The following MECOM variants were observed in gnomAD, a reference collection of about 807,000 sequenced individuals.
The protein encoded by MECOM is histone-lysine N-methyltransferase MECOM.
Under a neutral mutation model 116.3 loss-of-function variants are expected in MECOM, and 13 were observed. The ratio of observed to expected loss-of-function variants is 0.11; its 90% confidence interval spans 0.07 to 0.18. The LOEUF (loss-of-function observed/expected upper bound fraction) is 0.18, where lower values mean the gene tolerates loss of function less well. MECOM is among the 10% of genes least tolerant of loss of function. MECOM has a pLI of 1.00. For synonymous variants in MECOM, 528 were observed against 535.2 expected (o/e 0.99, Z 0.19); for missense variants, 1,299 against 1,509.0 (o/e 0.86, Z 2.31).
At chr3:169,222,860 G>T (rs1040984047) in intron 2 of MECOM, among the ~76,000 whole-genome samples, 5 of 152,148 alleles carry the variant, frequency 3.3e-5, no homozygotes, top group African/African-American at 1.2e-4. Context: ...TCATAATCTT[G>T]TTGCAGACAC....
At chr3:169,413,141 C>T (rs1737837881) in intron 1 of MECOM, among the ~76,000 whole-genome samples, 1 of 152,216 alleles carries the variant, frequency 6.6e-6, no homozygotes, top group South Asian at 2.1e-4. Context: ...TTCTGCATTT[C>T]CAACTGAGGT....
At chr3:169,535,416 A>T (rs1392423875) in intron 1 of MECOM, among the ~76,000 whole-genome samples, 2 of 152,196 alleles carry the variant, frequency 1.3e-5, no homozygotes, top group Non-Finnish European at 2.9e-5. Context: ...CATGAAAGGC[A>T]AACATGAAAG....
chr3:169,525,145 T>C (rs1051315792), intron 1 of MECOM, among the ~76,000 whole-genome samples: 1 of 152,236 alleles, frequency 6.6e-6, no homozygotes, highest in Non-Finnish European at 1.5e-5. Context: ...CATCTGTTTA[T>C]TCATTTTTAG....
chr3:169,328,319 C>A (rs1163334542), intron 2 of MECOM, among the ~76,000 whole-genome samples: 1 of 152,138 alleles, frequency 6.6e-6, no homozygotes, highest in Non-Finnish European at 1.5e-5. Context: ...ATTGACTGCA[C>A]ATTTTGTCAA....
chr3:169,299,883 A>G (rs551350317), intron 2 of MECOM, among the ~76,000 whole-genome samples: 1 of 152,346 alleles, frequency 6.6e-6, no homozygotes, highest in East Asian at 1.9e-4. Flanking sequence ...TAGGCTGGAG[A>G]GAGCCTTCAC....
At chr3:169,105,258 C>A (rs1576934512) in intron 10 of MECOM, among the ~76,000 whole-genome samples, 1 of 152,280 alleles carries the variant, frequency 6.6e-6, no homozygotes, top group Middle Eastern at 3.4e-3. Flanking sequence ...ACTCAGACAT[C>A]TGCTAGTTGG....
At chr3:169,114,890 C>G (rs908033338) in intron 8 of MECOM, among the ~76,000 whole-genome samples, 2 of 152,042 alleles carry the variant, frequency 1.3e-5, no homozygotes, top group Admixed American at 1.3e-4. Context: ...ATTTCATTTA[C>G]TTGGGGGCTC....
chr3:169,180,796 T>A lies in MECOM; in HGVS notation c.376-36964A>T, dbSNP rs547908789. On this transcript the variant is annotated intron_variant, in intron 2 of 16. Transcript: ENST00000651503. Reference sequence around the variant, plus strand: ...TGTATGTGTGTGTGTGTGGAGATGATATATATATATATATATATCAGGCTG... The same window carrying A: ...TGTATGTGTGTGTGTGTGGAGATGAAATATATATATATATATATCAGGCTG... Among the ~76,000 whole-genome samples the A allele has an allele frequency of 4.6e-4, 50 of 109,266 alleles. 4 individuals are homozygous for A. In the East Asian group the frequency reaches 0.011, roughly 23 times the overall value. 71.7% of individuals were successfully genotyped at this position (109,266 alleles called of 152,430 possible).
At chr3:169,524,039 A>AATATATATAT (rs10575336) in intron 1 of MECOM, among the ~76,000 whole-genome samples, 85 of 138,234 alleles carry the variant, frequency 6.1e-4, no homozygotes, top group African/African-American at 1.8e-3. Context: ...TATATGAATA[A>AATATATATAT]ATATATATAT....
intron 2 of MECOM, among the ~76,000 whole-genome samples, chr3:169,202,079 TA>T (rs1231529777): frequency 2.6e-5 from 4 of 152,110 alleles, no homozygotes; most frequent in African/African-American, 9.7e-5. Flanking sequence ...CTTTTGTGGT[TA>T]AATTGTTTAT....
intron 1 of MECOM, among the ~76,000 whole-genome samples, chr3:169,460,724 A>G (rs1182835421): frequency 6.6e-6 from 1 of 152,174 alleles, no homozygotes; most frequent in Non-Finnish European, 1.5e-5. Flanking sequence ...TTGGACAAGT[A>G]CCAACAAGGC....
At chr3:169,460,395 C>T (rs1176860964) in intron 1 of MECOM, among the ~76,000 whole-genome samples, 2 of 151,798 alleles carry the variant, frequency 1.3e-5, no homozygotes, top group East Asian at 3.9e-4. Flanking sequence ...TATTTTTTGT[C>T]TAAACAATAG....
At chr3:169,469,834 T>C (rs1748909441) in intron 1 of MECOM, among the ~76,000 whole-genome samples, 1 of 152,196 alleles carries the variant, frequency 6.6e-6, no homozygotes, top group Admixed American at 6.5e-5. Context: ...TAACTCACTT[T>C]CTCTATTAAT....
At chr3:169,479,652 TAAAAAAAAAAAAAA>T (rs3042768) in intron 1 of MECOM, among the ~76,000 whole-genome samples, 3 of 126,672 alleles carry the variant, frequency 2.4e-5, no homozygotes, top group Admixed American at 8.2e-5. Flanking sequence ...TTCTCTTACC[TAAAAAAAAAAAAAA>T]AAAAAAAAAA....
intron 2 of MECOM, among the ~76,000 whole-genome samples, chr3:169,335,480 G>A (rs558169216): frequency 1.4e-4 from 22 of 152,224 alleles, no homozygotes; most frequent in Admixed American, 2.6e-4. Context: ...CTCAGCGTGC[G>A]CTTGGAAGGT....
At chr3:169,090,312 T>C in intron 14 of MECOM, 76 bp from the exon 15 acceptor site, 2 of 1,312,500 alleles carry the variant, frequency 1.5e-6, no homozygotes, top group Non-Finnish European at 2.1e-6. Flanking sequence ...TTATTATGTC[T>C]TCCCAACAAC....
At chr3:169,663,231 C>G (rs944126081) in intron 1 of MECOM, 105 bp downstream of exon 1, 1 of 1,377,260 alleles carries the variant, frequency 7.3e-7, no homozygotes, top group Admixed American at 2.0e-5. Context: ...CACCCGGGGC[C>G]CCGGCGCAAG....
intron 1 of MECOM, chr3:169,483,926 T>C (rs1751761743): frequency 6.2e-7 from 1 of 1,608,354 alleles, no homozygotes; most frequent in Non-Finnish European, 8.5e-7. Context: ...TGATCCTTTC[T>C]TGCAAAAACT....
intron 2 of MECOM, among the ~76,000 whole-genome samples, chr3:169,175,243 A>G (rs902659065): frequency 2.6e-5 from 4 of 152,290 alleles, no homozygotes; most frequent in Non-Finnish European, 4.4e-5. Flanking sequence ...AGAAATAAAT[A>G]CTACAAGTTG....
Sources: gnomAD v4.1 joint callset for allele counts (sites outside exome capture counted in the v4.1 genomes callset) on GRCh38, gnomAD v4.1.1 for gene constraint, MANE v1.5 for transcripts, NCBI Gene and HGNC (gene_info 2026-07-23, HGNC 2026-07-21) for gene names.